The following COPZ1 variants were observed in gnomAD, a reference collection of about 807,000 sequenced individuals.
COPZ1 encodes the protein coat protein complex I subunit zeta 1.
Under a neutral mutation model 31.7 loss-of-function variants are expected in COPZ1, and 4 were observed. That is an observed-to-expected ratio of 0.13 (90% CI 0.06 to 0.29). COPZ1 has a LOEUF of 0.29. Among genes scored for constraint, COPZ1 ranks in the 10% least tolerant of loss-of-function variants. The pLI is 1.00. For synonymous variants in COPZ1, 74 were observed against 79.0 expected, an observed-to-expected ratio of 0.94 and a Z score of 0.33; for missense variants, 156 against 211.5, an observed-to-expected ratio of 0.74 and a Z score of 1.63.
chr12:54,325,911 C>T (rs1953625834), intron 1 of COPZ1, among the ~76,000 whole-genome samples: 1 of 151,128 alleles, frequency 6.6e-6, no homozygotes, highest in East Asian at 1.9e-4. Flanking sequence ...CTCCACCTCC[C>T]GGGTTCAAGC....
chr12:54,341,886 A>C (rs1214651713), intron 2 of COPZ1, among the ~76,000 whole-genome samples: 1 of 152,188 alleles, frequency 6.6e-6, no homozygotes, highest in Middle Eastern at 3.2e-3. Flanking sequence ...CCTAGGAAAC[A>C]CTTGATGAGA....
At chr12:54,340,289 A>G in intron 1 of COPZ1, 1 of 525,254 alleles carries the variant, frequency 1.9e-6, no homozygotes, top group Non-Finnish European at 3.3e-6. Context: ...CTCTTGATTA[A>G]GCCCCCTGTG....
intron 8 of COPZ1, 82 bp from the exon 9 acceptor site, chr12:54,350,394 G>A: frequency 3.7e-6 from 4 of 1,069,622 alleles, no homozygotes; most frequent in South Asian, 2.5e-5. Flanking sequence ...GGGAAGACAA[G>A]TGAGGGGAAG....
Position 54,350,562 on chromosome 12 carries a change from A to C in COPZ1, c.*39A>C. The C allele has an allele frequency of 6.4e-7, 1 of 1,554,952 alleles. No homozygotes were observed. The highest frequency in any genetic ancestry group is 8.9e-7 in the Non-Finnish European group (1 of 1,126,202). On this transcript the variant is annotated 3_prime_UTR_variant, in exon 9 of 9. Coordinates refer to ENST00000262061, the MANE Select transcript of COPZ1 (RefSeq NM_016057.3). ...CCTGGCTCTTCATCCTCTTCAAAAA[A>C]TTTGCATGTCTGCTGTGAATTTTCA...
chr12:54,345,821 G>A (rs1954051865), intron 5 of COPZ1, among the ~76,000 whole-genome samples: 2 of 151,994 alleles, frequency 1.3e-5, no homozygotes, highest in African/African-American at 4.8e-5. Flanking sequence ...GCCGGGCATG[G>A]TAGCGGGCGC....
At chr12:54,345,728 C>T (rs541539028) in intron 5 of COPZ1, among the ~76,000 whole-genome samples, 12 of 152,052 alleles carry the variant, frequency 7.9e-5, no homozygotes, top group African/African-American at 2.7e-4. Flanking sequence ...GAGGCCAAGG[C>T]GGGCGGATCA....
At chr12:54,339,043 T>G (rs1953922717) in intron 1 of COPZ1, among the ~76,000 whole-genome samples, 1 of 152,024 alleles carries the variant, frequency 6.6e-6, no homozygotes, top group Non-Finnish European at 1.5e-5. Flanking sequence ...GTGAGGACTG[T>G]GGGTTTCTTA....
chr12:54,336,354 CTA>C (rs1953862980), intron 1 of COPZ1, among the ~76,000 whole-genome samples: 1 of 151,752 alleles, frequency 6.6e-6, no homozygotes, highest in Non-Finnish European at 1.5e-5. Flanking sequence ...ACCATCCTGG[CTA>C]CAGTGAAACC....
intron 1 of COPZ1, among the ~76,000 whole-genome samples, chr12:54,326,152 A>AT (rs1182938105): frequency 7.3e-6 from 1 of 136,292 alleles, no homozygotes; most frequent in Non-Finnish European, 1.6e-5. Flanking sequence ...TATTATTATT[A>AT]TTTTTGAGAC....
rs1246126581 is a variant in COPZ1, at chr12:54,351,819, CAA to C, written c.*1298_*1299del. 6 of 152,194 alleles carry C rather than the reference CAA, an allele frequency of 3.9e-5. No homozygotes were observed. The highest frequency in any genetic ancestry group is 1.2e-4 in the African/African-American group (5 of 41,434). 9.4% of individuals were successfully genotyped at this position (152,194 alleles called of 1,614,324 possible). A position where few individuals can be genotyped will look rare whatever the true frequency, so the allele number is the denominator to read the frequency against. On this transcript the variant is annotated 3_prime_UTR_variant, in exon 9 of 9. Coordinates refer to ENST00000262061, the MANE Select transcript of COPZ1 (RefSeq NM_016057.3). ...AACCACCTTCATAAACTGCTCTGTG[CAA>C]AGAGGAATAAAACATTTTTTCCAAA...
chr12:54,330,904 G>A (rs1953738510), intron 1 of COPZ1, among the ~76,000 whole-genome samples: 1 of 152,180 alleles, frequency 6.6e-6, no homozygotes, highest in African/African-American at 2.4e-5. Flanking sequence ...GATGAAGATG[G>A]ATTCAGAGAA....
chr12:54,341,814 A>G (rs528170759), intron 2 of COPZ1, among the ~76,000 whole-genome samples: 2 of 152,108 alleles, frequency 1.3e-5, no homozygotes, highest in African/African-American at 4.8e-5. Flanking sequence ...GGTCTATGGA[A>G]GTGTTCTGTG....
At chr12:54,335,799 G>A (rs896413691) in intron 1 of COPZ1, among the ~76,000 whole-genome samples, 4 of 151,886 alleles carry the variant, frequency 2.6e-5, no homozygotes, top group Non-Finnish European at 4.4e-5. Flanking sequence ...AGCTTCCTGA[G>A]TAGCTGAGAC....
At chr12:54,331,295 C>T (rs1354281993) in intron 1 of COPZ1, among the ~76,000 whole-genome samples, 1 of 150,882 alleles carries the variant, frequency 6.6e-6, no homozygotes, top group Non-Finnish European at 1.5e-5. Flanking sequence ...ATTCTCCTTC[C>T]TCCGCCTCCC....
rs532993921 is a variant in COPZ1 at position 54,350,574 on chromosome 12, G to A, written c.*51G>A. The A allele has an allele frequency of 5.9e-5, 85 of 1,450,894 alleles. No individual in the cohort carries two copies. The South Asian group carries it at 9.0e-4, about 15-fold the overall frequency. 89.9% of individuals were successfully genotyped at this position (1,450,894 alleles called of 1,614,324 possible). Reference sequence around the variant, plus strand: ...TCCTCTTCAAAAAATTTGCATGTCTGCTGTGAATTTTCATCTAGTTCCCCA... The same window carrying A: ...TCCTCTTCAAAAAATTTGCATGTCTACTGTGAATTTTCATCTAGTTCCCCA... On this transcript the variant is annotated 3_prime_UTR_variant, in exon 9 of 9. Transcript: ENST00000262061.
At chr12:54,329,623 A>G (rs1034490919) in intron 1 of COPZ1, among the ~76,000 whole-genome samples, 6 of 152,038 alleles carry the variant, frequency 3.9e-5, no homozygotes, top group Non-Finnish European at 7.4e-5. Context: ...AGATCTTTAA[A>G]TCTTTGTTCA....
chr12:54,346,901 C>T (rs1592210863), intron 5 of COPZ1, among the ~76,000 whole-genome samples: 1 of 152,158 alleles, frequency 6.6e-6, no homozygotes, highest in African/African-American at 2.4e-5. Flanking sequence ...GCCATTTACC[C>T]TCTCCTCCCT....
chr12:54,348,259 G>A, intron 7 of COPZ1: 1 of 570,432 alleles, frequency 1.8e-6, no homozygotes. Context: ...CCCCTAATAT[G>A]GTGCCTAACA....
At chr12:54,342,850 CTTCTT>C (rs1357459173) in intron 3 of COPZ1, among the ~76,000 whole-genome samples, 1 of 136,550 alleles carries the variant, frequency 7.3e-6, no homozygotes, top group African/African-American at 2.9e-5. Flanking sequence ...ATGGTAACGC[CTTCTT>C]TTTTTTTTTT....
Sources: allele counts gnomAD v4.1 joint callset (sites outside exome capture counted in the v4.1 genomes callset), GRCh38; gene constraint gnomAD v4.1.1; transcripts MANE v1.5; gene names NCBI Gene and HGNC (gene_info 2026-07-23, HGNC 2026-07-21).